ANKS1B: variants seen among roughly 807,000 people sequenced by gnomAD.
ANKS1B encodes ankyrin repeat and sterile alpha motif domain containing 1B.
In ANKS1B, 36 loss-of-function variants were observed where a neutral mutation model predicts 148.3. That is an observed-to-expected ratio of 0.24 (90% confidence interval 0.19 to 0.32). The LOEUF (loss-of-function observed/expected upper bound fraction) is 0.32, where lower values mean the gene tolerates loss of function less well. Among genes scored for constraint, ANKS1B ranks in the 10% least tolerant of loss-of-function variants. The probability of loss-of-function intolerance (pLI) is 1.00; values close to 1 mark genes in which losing one functional copy is unlikely to be tolerated. For missense variants in ANKS1B, 1,157 were observed against 1,542.6 expected, an observed-to-expected ratio of 0.75 and a Z score of 4.19; for synonymous variants, 542 against 560.8, an observed-to-expected ratio of 0.97 and a Z score of 0.47.
chr12:99,403,184 G>A (rs1465420413), intron 11 of ANKS1B, among the ~76,000 whole-genome samples: 5 of 107,526 alleles, frequency 4.7e-5, no homozygotes, highest in East Asian at 2.5e-4. Context: ...TTTTTGAGAC[G>A]GAGTCTCTAT....
intron 9 of ANKS1B, among the ~76,000 whole-genome samples, chr12:99,586,617 C>T (rs533665829): frequency 6.6e-6 from 1 of 152,238 alleles, no homozygotes; most frequent in South Asian, 2.1e-4. Flanking sequence ...TCTACTGGTA[C>T]CAATTTACTG....
intron 1 of ANKS1B, among the ~76,000 whole-genome samples, chr12:99,926,646 A>G (rs56116688): frequency 0.21 from 32,239 of 152,048 alleles, 3,675 homozygotes; most frequent in Middle Eastern, 0.24. Context: ...AGCCTCCATA[A>G]TCACACAAGC....
chr12:99,442,193 A>G (rs79514013), intron 11 of ANKS1B, among the ~76,000 whole-genome samples: 69 of 151,948 alleles, frequency 4.5e-4, no homozygotes, highest in African/African-American at 1.6e-3. Flanking sequence ...ATTTCCTTGA[A>G]AAAGAGGACA....
At chr12:99,154,618 C>G (rs2075764157) in intron 14 of ANKS1B, 2 of 1,452,954 alleles carry the variant, frequency 1.4e-6, no homozygotes, top group Non-Finnish European at 1.8e-6. Context: ...TTGATCCTAG[C>G]TCCACATTTC....
chr12:98,847,313 T>A (rs757421604), intron 17 of ANKS1B, among the ~76,000 whole-genome samples: 4 of 152,250 alleles, frequency 2.6e-5, no homozygotes, highest in Non-Finnish European at 5.9e-5. Context: ...TGCCTGCTTT[T>A]ACGGGTTTAG....
At chr12:98,843,112 A>G (rs2099417063) in intron 17 of ANKS1B, among the ~76,000 whole-genome samples, 1 of 152,238 alleles carries the variant, frequency 6.6e-6, no homozygotes, top group African/African-American at 2.4e-5. Flanking sequence ...CACCAAATTA[A>G]TCACATCAAC....
At chr12:99,247,017 G>A (rs1197059468) in intron 12 of ANKS1B, among the ~76,000 whole-genome samples, 153 bp from the exon 13 acceptor site, 3 of 152,162 alleles carry the variant, frequency 2.0e-5, no homozygotes, top group African/African-American at 4.8e-5. Context: ...TGACCCCACA[G>A]TGCCATGTAT....
intron 17 of ANKS1B, among the ~76,000 whole-genome samples, chr12:99,011,417 C>A (rs950245737): frequency 2.0e-5 from 3 of 152,162 alleles, no homozygotes; most frequent in African/African-American, 7.2e-5. Context: ...TTTTGGAATT[C>A]TGATACTCAA....
chr12:99,632,640 C>G (rs1480262920), intron 9 of ANKS1B, among the ~76,000 whole-genome samples: 2 of 146,558 alleles, frequency 1.4e-5, no homozygotes, highest in East Asian at 2.1e-4. Context: ...TATTCCTCAC[C>G]CTTAGATTTA....
At chr12:99,448,448 G>T (rs149317368) in intron 10 of ANKS1B, among the ~76,000 whole-genome samples, 1 of 152,088 alleles carries the variant, frequency 6.6e-6, no homozygotes, top group Non-Finnish European at 1.5e-5. Flanking sequence ...CTGGGGAGAT[G>T]TTGGTCAAAG....
rs570204478 is a variant in ANKS1B, at chr12:99,185,675, T to TGAGGAACTG, written c.2420-31289_2420-31281dup. On this transcript the variant is annotated intron_variant, in intron 14 of 26. Transcript: ENST00000683438. Reference sequence around the variant, plus strand: ...TCCCTCCCCTAGCCAAGGGAAGCCATGAGGAACTGTGCAGTGAGGAACGGT... The same window carrying TGAGGAACTG: ...TCCCTCCCCTAGCCAAGGGAAGCCATGAGGAACTGGAGGAACTGTGCAGTGAGGAACGGT... Among the ~76,000 whole-genome samples the TGAGGAACTG allele has an allele frequency of 3.5e-3, 539 of 152,258 alleles. 4 individuals are homozygous for TGAGGAACTG. The highest frequency in any genetic ancestry group is 0.012 in the African/African-American group (509 of 41,556).
rs12307667 is a variant in ANKS1B at position 99,842,084 on chromosome 12, A to G, written c.135-16695T>C. 1.9e-3 allele frequency among the ~76,000 whole-genome samples: 295 copies of G among 152,260 alleles called. 1 individual carries two copies. Among genetic ancestry groups the G allele is most frequent in the African/African-American group, 6.9e-3 (286 of 41,562 alleles). On this transcript the variant is annotated intron_variant, in intron 1 of 26. Coordinates refer to ENST00000683438, the MANE Select transcript of ANKS1B (RefSeq NM_001352186.2). ...ATTTTATTCTTTCTTATTCAAAGGT[A>G]AAAGCATTATAGGCTGTGACATTTC...
chr12:99,222,729 ATTG>A (rs2153939478), intron 14 of ANKS1B, among the ~76,000 whole-genome samples: 1 of 152,312 alleles, frequency 6.6e-6, no homozygotes, highest in East Asian at 1.9e-4. Flanking sequence ...TGAGATATGA[ATTG>A]TTGTTGATCT....
At chr12:99,699,476 G>A (rs925972982) in intron 8 of ANKS1B, among the ~76,000 whole-genome samples, 1 of 152,204 alleles carries the variant, frequency 6.6e-6, no homozygotes, top group African/African-American at 2.4e-5. Flanking sequence ...CAGCACCTGA[G>A]AAGCCGTTAA....
intron 9 of ANKS1B, among the ~76,000 whole-genome samples, chr12:99,620,027 G>A (rs865833092): frequency 2.0e-5 from 3 of 152,132 alleles, no homozygotes; most frequent in Non-Finnish European, 2.9e-5. Context: ...ACCCAGCTAC[G>A]GTGGCCTCAG....
intron 12 of ANKS1B, among the ~76,000 whole-genome samples, chr12:99,374,487 T>C (rs192127637): frequency 2.0e-5 from 3 of 152,172 alleles, no homozygotes; most frequent in Non-Finnish European, 2.9e-5. Context: ...TGCATTCCCA[T>C]CTTGTACCCT....
At chr12:98,815,094 T>G (rs1215426279) in intron 19 of ANKS1B, among the ~76,000 whole-genome samples, 1 of 152,208 alleles carries the variant, frequency 6.6e-6, no homozygotes, top group Non-Finnish European at 1.5e-5. Context: ...TCCAGTAGTT[T>G]ACAATAAATT....
At chr12:98,804,906 A>G (rs938501714) in intron 20 of ANKS1B, among the ~76,000 whole-genome samples, 3 of 152,222 alleles carry the variant, frequency 2.0e-5, no homozygotes, top group African/African-American at 7.2e-5. Flanking sequence ...TAAATATTAA[A>G]TAACAGACCT....
At position 99,411,343 on chromosome 12, in the gene ANKS1B, G is replaced by A. The variant is rs182329729; in HGVS notation, c.1576-11532C>T. Among the ~76,000 whole-genome samples, 489 of 152,240 alleles carry A rather than the reference G, an allele frequency of 3.2e-3. 1 individual carries two copies. Among genetic ancestry groups the A allele is most frequent in the Non-Finnish European group, 4.6e-3 (314 of 68,010 alleles). On this transcript the variant is annotated intron_variant, in intron 11 of 26. Transcript: ENST00000683438. ...TCTGTGTTAATTCACTCAGGATAAC[G>A]GTCTCTAGCTACATTCATGCTGCTG...
Sources: gnomAD v4.1 joint callset for allele counts (sites outside exome capture counted in the v4.1 genomes callset) on GRCh38, gnomAD v4.1.1 for gene constraint, MANE v1.5 for transcripts, NCBI Gene and HGNC (gene_info 2026-07-23, HGNC 2026-07-21) for gene names.